HIRA: variants seen among roughly 807,000 people sequenced by gnomAD.
HIRA encodes the protein protein HIRA.
In HIRA, 13 loss-of-function variants were observed where a neutral mutation model predicts 126.6. The ratio of observed to expected loss-of-function variants is 0.10; its 90% CI spans 0.07 to 0.16. The LOEUF is 0.16. HIRA is among the 10% of genes least tolerant of loss of function. The pLI, the probability that HIRA is intolerant of heterozygous loss-of-function variation, is 1.00. For synonymous variants in HIRA, 511 were observed against 520.0 expected (o/e 0.98, Z 0.24); for missense variants, 834 against 1,314.4 (o/e 0.63, Z 5.65).
At position 19,355,343 on chromosome 22, in the gene HIRA, G is replaced by A. The variant is rs150106256; in HGVS notation, c.2561+417C>T. Among the ~76,000 whole-genome samples the A allele has an allele frequency of 9.4e-4, 143 of 152,256 alleles. 1 individual carries two copies. The highest frequency in any genetic ancestry group is 3.3e-3 in the African/African-American group (139 of 41,548). Reference sequence around the variant, plus strand: ...GAAAAGTACAGACCATCATGCCTGGGTAAGTGGATAAGCATCCTTACTAAT... The same window carrying A: ...GAAAAGTACAGACCATCATGCCTGGATAAGTGGATAAGCATCCTTACTAAT... On this transcript the variant is annotated intron_variant, in intron 21 of 24. Coordinates refer to ENST00000263208, the MANE Select transcript of HIRA (RefSeq NM_003325.4).
chr22:19,353,378 G>A lies in HIRA; in HGVS notation c.2826C>T (p.Tyr942=), dbSNP rs371591299. ...CACCTTCGTTTACGAGGTACCGTGC[G>A]TAGACGAGGAGCCAATGGCGGTACT... The part of the protein sequence containing the change: ...SHEYRHWLLV[Y]ARYLVNEGFE... Residue 942 remains tyrosine, a synonymous_variant, in exon 23 of 25, where the codon TAC becomes TAT. Transcript: ENST00000263208. The A allele has an allele frequency of 2.0e-5, 33 of 1,612,782 alleles. No homozygotes were observed. Among genetic ancestry groups the A allele is most frequent in the African/African-American group, 5.3e-5 (4 of 74,902 alleles).
In HIRA at chr22:19,355,774, C is replaced by T. The variant is rs577430727; in HGVS notation, c.2547G>A (p.Pro849=). Residue 849 remains proline, a synonymous_variant, in exon 21 of 25, where the codon CCG becomes CCA. Coordinates refer to ENST00000263208, the MANE Select transcript of HIRA (RefSeq NM_003325.4). ...AGCTTGCTTACCATGTGGAAAGTGACGGATTAAAGCAGTACGCCTTCCCAT... is the reference window on the plus strand; with the variant it reads ...AGCTTGCTTACCATGTGGAAAGTGATGGATTAAAGCAGTACGCCTTCCCAT... The part of the protein sequence containing the change: ...LSDGKAYCFN[P]SLSTWNLVSD... The T allele has an allele frequency of 1.7e-4, 268 of 1,612,598 alleles. No individual in the cohort carries two copies. The highest frequency in any genetic ancestry group is 2.1e-4 in the Non-Finnish European group (242 of 1,178,688).
chr22:19,406,944 C>G (rs193162196), intron 4 of HIRA, among the ~76,000 whole-genome samples: 16 of 152,316 alleles, frequency 1.1e-4, no homozygotes, highest in African/African-American at 3.8e-4. Context: ...CACATCGGCA[C>G]TAGAAGAGAT....
intron 14 of HIRA, among the ~76,000 whole-genome samples, chr22:19,376,794 G>A (rs1176613010): frequency 6.6e-6 from 1 of 152,216 alleles, no homozygotes; most frequent in Non-Finnish European, 1.5e-5. Flanking sequence ...GAATTGCTCT[G>A]ACGGTATCAG....
chr22:19,396,907 T>C lies in HIRA; in HGVS notation c.534A>G (p.Lys178=), dbSNP rs2089228636. 6.2e-7 allele frequency: 1 copy of C among 1,614,196 alleles called. No individual in the cohort carries two copies. The highest frequency in any genetic ancestry group is 8.5e-7 in the Non-Finnish European group (1 of 1,180,028). ...TACCAACAGGGTCCCATGTCAACCC[T>C]TTGACCAAGCCAGAATGACCTCTCA... ...ATLRGHSGLV[K]GLTWDPVGKY... The change falls in exon 7 of 25, where the codon AAA becomes AAG. Residue 178 remains lysine, a synonymous_variant. Coordinates refer to ENST00000263208, the MANE Select transcript of HIRA (RefSeq NM_003325.4).
intron 24 of HIRA, among the ~76,000 whole-genome samples, chr22:19,346,857 CCA>C (rs1379868600): frequency 6.6e-6 from 1 of 152,094 alleles, no homozygotes; most frequent in Non-Finnish European, 1.5e-5. Flanking sequence ...GGGAGGGGAA[CCA>C]CAGATTCTCT....
chr22:19,393,419 G>A (rs528639489), intron 8 of HIRA, among the ~76,000 whole-genome samples: 79 of 152,032 alleles, frequency 5.2e-4, no homozygotes, highest in African/African-American at 1.8e-3. Context: ...GTACGGTGGC[G>A]CAATCTCAGC....
At position 19,394,372 on chromosome 22, in the gene HIRA, A is replaced by G. The variant is rs1686994267; in HGVS notation, c.792T>C (p.Phe264=). The change falls in exon 8 of 25, where the codon TTT becomes TTC. Residue 264 remains phenylalanine, a synonymous_variant. Coordinates refer to ENST00000263208, the MANE Select transcript of HIRA (RefSeq NM_003325.4). ...EREGWKTNMD[F]VGHRKAVTVV... The stretch of plus-strand genomic sequence containing the variant: ...CAGTCACAGCTTTCCGGTGCCCAAC[A>G]AAGTCCATGTTGGTCTTCCATCCCT... 1 of 1,614,046 alleles carries G rather than the reference A, an allele frequency of 6.2e-7. No individual in the cohort carries two copies. Among genetic ancestry groups the G allele is most frequent in the Non-Finnish European group, 8.5e-7 (1 of 1,180,048 alleles).
intron 2 of HIRA, among the ~76,000 whole-genome samples, chr22:19,409,860 G>C (rs117514912): frequency 6.6e-6 from 1 of 151,360 alleles, no homozygotes; most frequent in Non-Finnish European, 1.5e-5. Context: ...TCCTCCTCTC[G>C]GGTGCAGTCC....
At chr22:19,345,740 T>C (rs2088679565) in intron 24 of HIRA, among the ~76,000 whole-genome samples, 1 of 152,138 alleles carries the variant, frequency 6.6e-6, no homozygotes, top group Admixed American at 6.5e-5. Flanking sequence ...TGTCTTACAC[T>C]GAAGACCACA....
At chr22:19,415,750 T>C (rs555025481) in intron 1 of HIRA, among the ~76,000 whole-genome samples, 1 of 152,124 alleles carries the variant, frequency 6.6e-6, no homozygotes, top group African/African-American at 2.4e-5. Context: ...TTTTGTGCCA[T>C]TGCACTCCAG....
intron 9 of HIRA, among the ~76,000 whole-genome samples, chr22:19,389,995 GAA>G (rs66853562): frequency 7.0e-6 from 1 of 142,422 alleles, no homozygotes. Context: ...TTTACAAAAT[GAA>G]AAAAAAAAAA....
chr22:19,352,846 T>G (rs111802528), intron 23 of HIRA, among the ~76,000 whole-genome samples: 3,398 of 152,288 alleles, frequency 0.022, 144 homozygotes, highest in African/African-American at 0.077. Context: ...GTGAGGACAG[T>G]GCAGCCACCT....
At position 19,411,403 on chromosome 22, in the gene HIRA, T is replaced by G. The variant is rs962915592; in HGVS notation, c.38-625A>C. ...AAAGAGCCCAGTATGGGCCTAGGCT[T>G]GCACTAGGATCCCATGAAGCTAGCT... On this transcript the variant is annotated intron_variant, in intron 1 of 24. Coordinates refer to ENST00000263208, the MANE Select transcript of HIRA (RefSeq NM_003325.4). Among the ~76,000 whole-genome samples, 3 of 152,290 alleles carry G rather than the reference T, an allele frequency of 2.0e-5. 1 individual carries two copies. In the South Asian group the frequency reaches 6.2e-4, roughly 32 times the overall value.
chr22:19,415,556 AGGTG>A (rs1198157721), intron 1 of HIRA, among the ~76,000 whole-genome samples: 2 of 152,202 alleles, frequency 1.3e-5, no homozygotes, highest in African/African-American at 4.8e-5. Flanking sequence ...TGGGAGGCTG[AGGTG>A]GGTGGATCAC....
At chr22:19,387,890 T>C (rs1262324138) in intron 10 of HIRA, 74 bp from the exon 11 acceptor site, 1 of 910,354 alleles carries the variant, frequency 1.1e-6, no homozygotes, top group East Asian at 3.8e-5. Flanking sequence ...AGCTGGCCTG[T>C]GAGGATGGTG....
chr22:19,388,987 G>A (rs1202996298), intron 9 of HIRA, among the ~76,000 whole-genome samples: 1 of 152,080 alleles, frequency 6.6e-6, no homozygotes, highest in Non-Finnish European at 1.5e-5. Context: ...ATCTTCCCTG[G>A]GCCCAAGGGA....
In HIRA at chr22:19,396,937, A is replaced by G. The variant is rs2089228898; in HGVS notation, c.504T>C (p.Ala168=). 2.5e-6 allele frequency: 4 copies of G among 1,614,022 alleles called. No homozygotes were observed. In the African/African-American group the frequency reaches 4.0e-5, roughly 16 times the overall value. ...CCAAGCCAGAATGACCTCTCAGAGT[A>G]GCTAGAATTTCTGTGAAGAAAAAAG... ...WNAVKFPEIL[A]TLRGHSGLVK... Residue 168 remains alanine, a synonymous_variant, in exon 7 of 25, where the codon GCT becomes GCC. Transcript: ENST00000263208.
intron 15 of HIRA, among the ~76,000 whole-genome samples, chr22:19,374,519 A>G (rs1409250544): frequency 6.6e-6 from 1 of 152,158 alleles, no homozygotes; most frequent in Non-Finnish European, 1.5e-5. Context: ...TTCCACACCA[A>G]GTTTATAGAT....
Sources: allele counts gnomAD v4.1 joint callset (sites outside exome capture counted in the v4.1 genomes callset), GRCh38; gene constraint gnomAD v4.1.1; transcripts MANE v1.5; gene names NCBI Gene and HGNC (gene_info 2026-07-23, HGNC 2026-07-21).